Variants in RELN observed in about 807,000 individuals in gnomAD.
RELN encodes reelin.
In RELN, 108 loss-of-function variants were observed where a neutral mutation model predicts 427.6. The observed-to-expected ratio is 0.25, with a 90% CI of 0.22 to 0.30. The LOEUF (loss-of-function observed/expected upper bound fraction) is 0.30, where lower values mean the gene tolerates loss of function less well. Among genes scored for constraint, RELN ranks in the 10% least tolerant of loss-of-function variants. The pLI, the probability that RELN is intolerant of heterozygous loss-of-function variation, is 1.00. For missense variants in RELN, 3,715 were observed against 4,302.8 expected, an observed-to-expected ratio of 0.86 and a Z score of 3.82; for synonymous variants, 1,524 against 1,513.4, an observed-to-expected ratio of 1.01 and a Z score of -0.16.
intron 28 of RELN, among the ~76,000 whole-genome samples, chr7:103,579,126 G>A (rs1489382559): frequency 6.6e-6 from 1 of 152,134 alleles, no homozygotes; most frequent in Non-Finnish European, 1.5e-5. Flanking sequence ...AGTTGAGTGA[G>A]GAGACACACT....
chr7:103,875,907 A>G (rs1794467008), intron 2 of RELN, among the ~76,000 whole-genome samples: 1 of 152,284 alleles, frequency 6.6e-6, no homozygotes, highest in African/African-American at 2.4e-5. Context: ...GGCTTAGGGC[A>G]TAATTCATAT....
At chr7:103,639,350 T>C (rs895168787) in intron 17 of RELN, among the ~76,000 whole-genome samples, 1 of 152,008 alleles carries the variant, frequency 6.6e-6, no homozygotes, top group Non-Finnish European at 1.5e-5. Context: ...CTAATCTCAA[T>C]GTCAACAAGC....
At chr7:103,707,114 C>T (rs1834220109) in intron 8 of RELN, among the ~76,000 whole-genome samples, 1 of 152,134 alleles carries the variant, frequency 6.6e-6, no homozygotes, top group African/African-American at 2.4e-5. Flanking sequence ...GTTGGGACTA[C>T]AAGTGTGAGC....
At chr7:103,801,684 C>T (rs976282780) in intron 3 of RELN, among the ~76,000 whole-genome samples, 4 of 151,250 alleles carry the variant, frequency 2.6e-5, no homozygotes, top group Admixed American at 1.3e-4. Context: ...ACCTATGTAA[C>T]GAGCCTGCAC....
intron 3 of RELN, among the ~76,000 whole-genome samples, chr7:103,784,609 A>T (rs945591905): frequency 2.6e-5 from 4 of 152,152 alleles, no homozygotes; most frequent in African/African-American, 9.7e-5. Context: ...AGGATACATA[A>T]TTTTTTCTTA....
chr7:103,931,313 T>C (rs1171210154), intron 1 of RELN, among the ~76,000 whole-genome samples: 2 of 152,194 alleles, frequency 1.3e-5, no homozygotes, highest in Non-Finnish European at 2.9e-5. Context: ...CCTTTTCCTC[T>C]CAATCTCTTC....
intron 3 of RELN, among the ~76,000 whole-genome samples, chr7:103,795,042 T>C (rs913421957): frequency 6.6e-6 from 1 of 152,224 alleles, no homozygotes; most frequent in Non-Finnish European, 1.5e-5. Flanking sequence ...TTTTCTATAA[T>C]ATCCCCTAAT....
At chr7:103,965,898 A>G (rs1796651173) in intron 1 of RELN, among the ~76,000 whole-genome samples, 1 of 152,224 alleles carries the variant, frequency 6.6e-6, no homozygotes, top group Non-Finnish European at 1.5e-5. Context: ...CTCTTTTCTT[A>G]TTCTTAACAT....
At chr7:103,775,916 G>T (rs1424415018) in intron 4 of RELN, among the ~76,000 whole-genome samples, 1 of 152,174 alleles carries the variant, frequency 6.6e-6, no homozygotes, top group African/African-American at 2.4e-5. Flanking sequence ...CTATGAAGTG[G>T]TAAATGCTAT....
At chr7:103,965,056 G>T (rs984752777) in intron 1 of RELN, among the ~76,000 whole-genome samples, 25 of 152,268 alleles carry the variant, frequency 1.6e-4, no homozygotes, top group African/African-American at 5.8e-4. Context: ...CTATAAAAAG[G>T]TAAAATTTAA....
At chr7:103,869,837 T>A (rs758083743) in intron 2 of RELN, among the ~76,000 whole-genome samples, 2 of 152,164 alleles carry the variant, frequency 1.3e-5, no homozygotes, top group Admixed American at 6.6e-5. Context: ...AATATCTGTA[T>A]ATCCAACTTT....
At chr7:103,735,967 A>G (rs903243235) in intron 6 of RELN, among the ~76,000 whole-genome samples, 1 of 152,206 alleles carries the variant, frequency 6.6e-6, no homozygotes, top group Non-Finnish European at 1.5e-5. Context: ...TTTAAAACCG[A>G]AAAAGGAAAA....
In RELN at chr7:103,520,957, A is replaced by ATTTTTTTTTTTTT. The variant is rs55830035; in HGVS notation, c.7668+1052_7668+1064dup. ...ATAAAGAGCTGGCAGTAAATTTGTTATTTTTTTTTTTTTTTTTTTTTTTTT... is the reference window on the plus strand; with the variant it reads ...ATAAAGAGCTGGCAGTAAATTTGTTATTTTTTTTTTTTTTTTTTTTTTTTTTTTTTTTTTTTTT... On this transcript the variant is annotated intron_variant, in intron 48 of 64. Transcript: ENST00000428762. 1.9e-3 allele frequency among the ~76,000 whole-genome samples: 151 copies of ATTTTTTTTTTTTT among 79,204 alleles called. 13 individuals carry two copies. Among genetic ancestry groups the ATTTTTTTTTTTTT allele is most frequent in the East Asian group, 6.9e-3 (18 of 2,596 alleles). 52.0% of individuals were successfully genotyped at this position (79,204 alleles called of 152,430 possible). A position where few individuals can be genotyped will look rare whatever the true frequency, so the allele number is the denominator to read the frequency against.
In RELN at chr7:103,604,478, C is replaced by T; in HGVS notation, c.3014G>A (p.Ser1005Asn). Residue 1005 changes from serine to asparagine, a missense_variant, in exon 23 of 65, where the codon AGT becomes AAT. Ser to Asn is a conservative substitution (Grantham distance 46). Around this residue, in one of 4 missense-constraint regions of RELN, gnomAD observed 2,208 missense variants for 2,361.7 expected, o/e 0.93. Coordinates refer to ENST00000428762, the MANE Select transcript of RELN (RefSeq NM_005045.4). ...IVLLPQKTWS[S>N]ATRFRWSQSY... ...CTGGCTCCAGCGGAAACGGGTAGCA[C>T]TGGACCTAGAAACACGGTATAGTAT... 6.2e-7 allele frequency: 1 copy of T among 1,613,900 alleles called. No individual in the cohort carries two copies. Among genetic ancestry groups the T allele is most frequent in the Non-Finnish European group, 8.5e-7 (1 of 1,179,842 alleles).
rs995971206 is a variant in RELN, at chr7:103,917,272, T to C, written c.227-87A>G. 12 of 1,012,386 alleles carry C rather than the reference T, an allele frequency of 1.2e-5. No individual in the cohort carries two copies. In the Admixed American group the frequency reaches 2.2e-4, roughly 19 times the overall value. The allele number at this position is 1,012,386 out of a possible 1,614,324, so 62.7% of individuals were successfully genotyped here. A position where few individuals can be genotyped will look rare whatever the true frequency, so the allele number is the denominator to read the frequency against. ...GAAGTGTTAGACATTGTCAAAACAA[T>C]CTTTACTCATTAACAAATTATTTTT... On this transcript the variant is annotated intron_variant, in intron 1 of 64. Coordinates refer to ENST00000428762, the MANE Select transcript of RELN (RefSeq NM_005045.4).
At chr7:103,685,298 T>C (rs1833743293) in intron 10 of RELN, among the ~76,000 whole-genome samples, 1 of 152,156 alleles carries the variant, frequency 6.6e-6, no homozygotes, top group Non-Finnish European at 1.5e-5. Context: ...TTATATGCAA[T>C]AACAATTCAA....
intron 20 of RELN, among the ~76,000 whole-genome samples, chr7:103,615,728 G>T (rs527674776): frequency 6.6e-6 from 1 of 152,274 alleles, no homozygotes; most frequent in Non-Finnish European, 1.5e-5. Context: ...ACTATGTCCT[G>T]TGTATCAAAG....
At chr7:103,562,355 T>C (rs362799) in intron 34 of RELN, among the ~76,000 whole-genome samples, 28,021 of 152,092 alleles carry the variant, frequency 0.18, 3,146 homozygotes, top group East Asian at 0.4. Context: ...ATTAGGGTCT[T>C]AAAAGTTCTG....
At chr7:103,985,328 T>C (rs1352176599) in intron 1 of RELN, among the ~76,000 whole-genome samples, 1 of 152,206 alleles carries the variant, frequency 6.6e-6, no homozygotes, top group Admixed American at 6.5e-5. Flanking sequence ...CTTCTCATTG[T>C]TAATGGAACA....
Sources: allele counts gnomAD v4.1 joint callset (sites outside exome capture counted in the v4.1 genomes callset), GRCh38; gene constraint gnomAD v4.1.1; regional missense constraint gnomAD v4.1.1; transcripts MANE v1.5; gene names NCBI Gene and HGNC (gene_info 2026-07-23, HGNC 2026-07-21).